Variants in CNTN4 observed in about 807,000 individuals in gnomAD.
The protein encoded by CNTN4 is contactin 4, also known as contactin-4.
CNTN4 carries 77 observed loss-of-function variants against 122.5 expected under a neutral mutation model. That is an observed-to-expected ratio of 0.63 (90% CI 0.52 to 0.76). The LOEUF (loss-of-function observed/expected upper bound fraction) is 0.76. Among genes scored for constraint, CNTN4 ranks in the 30% least tolerant of loss-of-function variants. The pLI, the probability that CNTN4 is intolerant of heterozygous loss-of-function variation, is 0.00. For synonymous variants in CNTN4, 512 were observed against 447.0 expected (o/e 1.15, Z -1.83); for missense variants, 1,256 against 1,259.1 (o/e 1.00, Z 0.04).
chr3:2,763,826 G>A (rs1303194033), intron 6 of CNTN4, among the ~76,000 whole-genome samples: 2 of 152,056 alleles, frequency 1.3e-5, no homozygotes, highest in Admixed American at 6.5e-5. Flanking sequence ...TCTCTATTCT[G>A]TTCCATTGGT....
At chr3:2,585,215 A>C (rs1262659821) in intron 4 of CNTN4, among the ~76,000 whole-genome samples, 1 of 152,142 alleles carries the variant, frequency 6.6e-6, no homozygotes, top group Admixed American at 6.5e-5. Flanking sequence ...ATGTGGAGAA[A>C]TAGAAACACT....
intron 3 of CNTN4, among the ~76,000 whole-genome samples, chr3:2,506,044 AATC>A (rs2076722546): frequency 1.3e-5 from 2 of 152,058 alleles, no homozygotes; most frequent in Admixed American, 1.3e-4. Flanking sequence ...ACACTATGGT[AATC>A]TTAACAAATA....
intron 2 of CNTN4, among the ~76,000 whole-genome samples, chr3:2,155,660 C>T (rs2035687258): frequency 6.6e-6 from 1 of 152,258 alleles, no homozygotes; most frequent in South Asian, 2.1e-4. Context: ...TATCCAAGCA[C>T]CATGAGATTT....
intron 2 of CNTN4, among the ~76,000 whole-genome samples, chr3:2,125,909 G>A (rs1247824220): frequency 1.3e-5 from 2 of 151,312 alleles, no homozygotes; most frequent in Non-Finnish European, 2.9e-5. Context: ...GTGTGTGTGT[G>A]TGTGTGTGTG....
At chr3:2,489,769 A>G (rs2076262096) in intron 3 of CNTN4, among the ~76,000 whole-genome samples, 1 of 152,148 alleles carries the variant, frequency 6.6e-6, no homozygotes, top group African/African-American at 2.4e-5. Flanking sequence ...AGATGATGGA[A>G]TTTAGTCTTT....
chr3:2,946,149 G>A (rs955774696), intron 13 of CNTN4, among the ~76,000 whole-genome samples: 1 of 152,128 alleles, frequency 6.6e-6, no homozygotes, highest in Non-Finnish European at 1.5e-5. Context: ...CCATCCCTGG[G>A]GGATGCAGCA....
intron 5 of CNTN4, among the ~76,000 whole-genome samples, chr3:2,744,828 A>C (rs2089665538): frequency 6.6e-6 from 1 of 152,234 alleles, no homozygotes; most frequent in Admixed American, 6.5e-5. Flanking sequence ...AGTCACATAC[A>C]TAGGTGATCC....
intron 4 of CNTN4, among the ~76,000 whole-genome samples, chr3:2,583,667 T>A (rs71311712): frequency 0.098 from 14,881 of 152,244 alleles, 971 homozygotes; most frequent in Non-Finnish European, 0.14. Context: ...CTAGAACTTA[T>A]AATTCCTCAG....
chr3:2,566,177 AG>A (rs1478027270), intron 3 of CNTN4, among the ~76,000 whole-genome samples: 1 of 152,238 alleles, frequency 6.6e-6, no homozygotes, highest in Non-Finnish European at 1.5e-5. Context: ...TTAGAGAGAA[AG>A]GAGTCACCAT....
intron 3 of CNTN4, among the ~76,000 whole-genome samples, chr3:2,494,824 C>T (rs2076411998): frequency 6.6e-6 from 1 of 152,172 alleles, no homozygotes. Flanking sequence ...TGTGTTAATG[C>T]TGGCCAGTTG....
At chr3:2,342,332 T>C (rs901856766) in intron 3 of CNTN4, among the ~76,000 whole-genome samples, 2 of 152,188 alleles carry the variant, frequency 1.3e-5, no homozygotes, top group Non-Finnish European at 2.9e-5. Flanking sequence ...TTCTTCTTTT[T>C]CTGGATTGGT....
At chr3:2,110,251 T>TA (rs2032836737) in intron 2 of CNTN4, among the ~76,000 whole-genome samples, 1 of 152,246 alleles carries the variant, frequency 6.6e-6, no homozygotes, top group African/African-American at 2.4e-5. Flanking sequence ...AGGCAGTTTT[T>TA]AAAATCTGTA....
Position 2,709,572 on chromosome 3 carries a change from T to C in CNTN4, c.56-26643T>C, listed in dbSNP as rs1019975238. On this transcript the variant is annotated intron_variant, in intron 4 of 24. Transcript: ENST00000418658. The surrounding 1 kb of genome is among the most constrained non-coding windows in gnomAD (Gnocchi z 5.0). ...CAGTCTCCTTTCCAATTCCATAAAA[T>C]GAACAATTTCACATATTGAAAAATG... Among the ~76,000 whole-genome samples the C allele has an allele frequency of 6.6e-6, 1 of 152,162 alleles. No individual in the cohort carries two copies. The highest frequency in any genetic ancestry group is 2.4e-5 in the African/African-American group (1 of 41,442).
chr3:2,986,281 C>T (rs1161302750), intron 13 of CNTN4, among the ~76,000 whole-genome samples: 1 of 152,128 alleles, frequency 6.6e-6, no homozygotes, highest in African/African-American at 2.4e-5. Context: ...CCTCTAGGAA[C>T]CTTACTGACC....
chr3:2,891,768 C>A (rs1336666563), intron 10 of CNTN4, among the ~76,000 whole-genome samples: 1 of 152,042 alleles, frequency 6.6e-6, no homozygotes. Flanking sequence ...GTAAGCCAGG[C>A]ACAGAGTTTG....
At chr3:2,204,920 C>T (rs568924862) in intron 2 of CNTN4, among the ~76,000 whole-genome samples, 106 of 152,100 alleles carry the variant, frequency 7.0e-4, no homozygotes, top group African/African-American at 2.4e-3. Context: ...GTACAGAATC[C>T]TATGAAATCT....
intron 3 of CNTN4, among the ~76,000 whole-genome samples, chr3:2,346,263 A>G (rs534065400): frequency 6.6e-6 from 1 of 152,210 alleles, no homozygotes; most frequent in African/African-American, 2.4e-5. Context: ...ACCTTAGCAA[A>G]GTCAAATTTA....
At chr3:2,252,193 C>T (rs894079777) in intron 2 of CNTN4, among the ~76,000 whole-genome samples, 3 of 151,876 alleles carry the variant, frequency 2.0e-5, no homozygotes, top group Non-Finnish European at 4.4e-5. Context: ...TTATTTTTCC[C>T]TCCAACATAG....
chr3:2,479,038 CT>C (rs929036920), intron 3 of CNTN4, among the ~76,000 whole-genome samples: 4 of 151,956 alleles, frequency 2.6e-5, no homozygotes, highest in African/African-American at 2.4e-5. Flanking sequence ...AAGCTTTTTC[CT>C]TTTCCCAGCA....
Sources: allele counts gnomAD v4.1 joint callset (sites outside exome capture counted in the v4.1 genomes callset), GRCh38; gene constraint gnomAD v4.1.1; non-coding constraint Gnocchi (gnomAD v3.1); transcripts MANE v1.5; gene names NCBI Gene and HGNC (gene_info 2026-07-23, HGNC 2026-07-21).